The following DSCAM variants were observed in gnomAD, a reference collection of about 807,000 sequenced individuals.
DSCAM encodes the protein DS cell adhesion molecule, also known as cell adhesion molecule DSCAM.
A neutral mutation model predicts 217.7 loss-of-function variants in DSCAM; 47 were observed. The ratio of observed to expected loss-of-function variants is 0.22; its 90% CI spans 0.17 to 0.28. The LOEUF (loss-of-function observed/expected upper bound fraction) is 0.28, where lower values mean the gene tolerates loss of function less well. DSCAM is among the 10% of genes least tolerant of loss of function. The probability of loss-of-function intolerance (pLI) is 1.00; values close to 1 mark genes in which losing one functional copy is unlikely to be tolerated. For synonymous variants in DSCAM, 1,056 were observed against 1,015.3 expected (o/e 1.04, Z -0.76); for missense variants, 2,080 against 2,618.3 (o/e 0.79, Z 4.49).
chr21:40,378,247 A>C (rs927895893), intron 3 of DSCAM, among the ~76,000 whole-genome samples: 38 of 152,366 alleles, frequency 2.5e-4, no homozygotes, highest in African/African-American at 8.9e-4. Context: ...TAGAACTTGA[A>C]CAAATCAATG....
chr21:40,194,563 C>G (rs61092633), intron 11 of DSCAM, among the ~76,000 whole-genome samples: 19,220 of 152,160 alleles, frequency 0.13, 3,383 homozygotes, highest in African/African-American at 0.4. Context: ...TTGTGTGCTG[C>G]GTGCCTCTCT....
intron 27 of DSCAM, among the ~76,000 whole-genome samples, chr21:40,069,587 G>A (rs866939381): frequency 2.0e-5 from 3 of 152,170 alleles, no homozygotes; most frequent in Non-Finnish European, 2.9e-5. Flanking sequence ...TTCTAGTTAC[G>A]TAAAATGGAA....
At chr21:40,423,617 G>A (rs574331472) in intron 3 of DSCAM, among the ~76,000 whole-genome samples, 1 of 152,238 alleles carries the variant, frequency 6.6e-6, no homozygotes, top group African/African-American at 2.4e-5. Context: ...TTCTAAAGCT[G>A]TCTAAAATAA....
chr21:40,471,286 T>C (rs1248117286), intron 3 of DSCAM, among the ~76,000 whole-genome samples: 1 of 152,154 alleles, frequency 6.6e-6, no homozygotes, highest in Non-Finnish European at 1.5e-5. Flanking sequence ...AGAAACCACA[T>C]TAGGGAAGGA....
chr21:40,342,918 ACTTAG>A (rs1340145559), intron 6 of DSCAM, among the ~76,000 whole-genome samples: 2 of 151,044 alleles, frequency 1.3e-5, no homozygotes, highest in Admixed American at 6.6e-5. Flanking sequence ...AGAATTGTTA[ACTTAG>A]GAATATTTAG....
chr21:40,251,071 C>G lies in DSCAM; in HGVS notation c.2356+25026G>C, dbSNP rs114300589. On this transcript the variant is annotated intron_variant, in intron 11 of 32. Coordinates refer to ENST00000400454, the MANE Select transcript of DSCAM (RefSeq NM_001389.5). ...TGTGCTGCAGCATGCTGCCTGCCTT[C>G]TCTTCTGTCATCAATGAAATATGGT... Among the ~76,000 whole-genome samples, 183 of 152,330 alleles carry G rather than the reference C, an allele frequency of 1.2e-3. 1 individual carries two copies. The highest frequency in any genetic ancestry group is 4.2e-3 in the African/African-American group (175 of 41,572).
rs182760548 is a variant in DSCAM, at chr21:40,040,266, C to T, written c.5686+2105G>A. 2.0e-5 allele frequency among the ~76,000 whole-genome samples: 3 copies of T among 152,270 alleles called. No individual in the cohort carries two copies. The East Asian group carries it at 5.8e-4, about 29-fold the overall frequency. ...TTTTACTCTGAATAGTCTATGAAGA[C>T]AATAGTAACTTAGCTATGATCTTCC... On this transcript the variant is annotated intron_variant, in intron 32 of 32. Coordinates refer to ENST00000400454, the MANE Select transcript of DSCAM (RefSeq NM_001389.5).
intron 9 of DSCAM, among the ~76,000 whole-genome samples, chr21:40,300,402 C>A (rs2074001938): frequency 6.6e-6 from 1 of 152,226 alleles, no homozygotes; most frequent in Non-Finnish European, 1.5e-5. Flanking sequence ...ATCTCCACTG[C>A]CACACCCCAG....
rs1491362590 is a variant in DSCAM at position 40,342,626 on chromosome 21, G to GTGTA, written c.1211-3212_1211-3211insTACA. Among the ~76,000 whole-genome samples the GTGTA allele has an allele frequency of 5.7e-3, 539 of 94,684 alleles. 3 individuals are homozygous for GTGTA. Among genetic ancestry groups the GTGTA allele is most frequent in the Middle Eastern group, 0.015 (2 of 130 alleles). 62.1% of individuals were successfully genotyped at this position (94,684 alleles called of 152,430 possible). A position where few individuals can be genotyped will look rare whatever the true frequency, so the allele number is the denominator to read the frequency against. Reference sequence around the variant, plus strand: ...TATGTGTATATGTGTGTGTGTGTGTGTATATATATATATATATATATATTT... The same window carrying GTGTA: ...TATGTGTATATGTGTGTGTGTGTGTGTGTATATATATATATATATATATATATTT... On this transcript the variant is annotated intron_variant, in intron 6 of 32. Coordinates refer to ENST00000400454, the MANE Select transcript of DSCAM (RefSeq NM_001389.5).
chr21:40,358,871 G>A (rs1296309983), intron 4 of DSCAM, among the ~76,000 whole-genome samples: 1 of 148,458 alleles, frequency 6.7e-6, no homozygotes, highest in Non-Finnish European at 1.5e-5. Flanking sequence ...AAAAAAAATT[G>A]AAAATCATAT....
rs147944535 is a variant in DSCAM at position 40,339,109 on chromosome 21, T to C, written c.1507+10A>G. The C allele has an allele frequency of 3.9e-4, 633 of 1,613,356 alleles. No homozygotes were observed. Among genetic ancestry groups the C allele is most frequent in the Non-Finnish European group, 5.2e-4 (619 of 1,179,468 alleles). The stretch of plus-strand genomic sequence containing the variant: ...TGTGTGTTTTTTTGAGGAGCTGATT[T>C]GACAAGCACCTCTTACGTTTATTCG... On this transcript the variant is annotated intron_variant, in intron 7 of 32. Coordinates refer to ENST00000400454, the MANE Select transcript of DSCAM (RefSeq NM_001389.5).
chr21:40,480,904 C>A (rs750818285), intron 3 of DSCAM, among the ~76,000 whole-genome samples: 2 of 152,148 alleles, frequency 1.3e-5, no homozygotes, highest in Non-Finnish European at 2.9e-5. Context: ...AGTCAACCTA[C>A]CAAAATTACT....
At chr21:40,461,854 T>C (rs1281501738) in intron 3 of DSCAM, among the ~76,000 whole-genome samples, 1 of 152,096 alleles carries the variant, frequency 6.6e-6, no homozygotes, top group Non-Finnish European at 1.5e-5. Flanking sequence ...CTGCAAGTTG[T>C]CTCAAAAAGC....
intron 3 of DSCAM, among the ~76,000 whole-genome samples, chr21:40,454,695 CAAG>C (rs1251155498): frequency 1.3e-5 from 2 of 152,196 alleles, no homozygotes; most frequent in African/African-American, 4.8e-5. Flanking sequence ...GAAGTCGCCA[CAAG>C]AAGGTCTCTG....
intron 11 of DSCAM, among the ~76,000 whole-genome samples, chr21:40,219,847 C>T (rs1219640663): frequency 1.3e-5 from 2 of 152,066 alleles, no homozygotes; most frequent in African/African-American, 2.4e-5. Context: ...AATACAAATG[C>T]CAACAGGTAG....
At chr21:40,171,501 A>C (rs572485699) in intron 15 of DSCAM, among the ~76,000 whole-genome samples, 1 of 152,072 alleles carries the variant, frequency 6.6e-6, no homozygotes, top group Non-Finnish European at 1.5e-5. Context: ...CAATGCTGCC[A>C]TGATTTGTCA....
At chr21:40,167,711 G>A (rs1009671088) in intron 15 of DSCAM, among the ~76,000 whole-genome samples, 50 of 152,088 alleles carry the variant, frequency 3.3e-4, no homozygotes, top group African/African-American at 1.1e-3. Flanking sequence ...GAATGACTTC[G>A]GGCAAAAATA....
intron 9 of DSCAM, among the ~76,000 whole-genome samples, chr21:40,306,979 C>T (rs890456420): frequency 3.3e-4 from 51 of 152,258 alleles, no homozygotes; most frequent in Middle Eastern, 3.4e-3. Context: ...GGAGGATTCC[C>T]TCTTTTTCTA....
chr21:40,132,857 C>T (rs544014551), intron 19 of DSCAM, among the ~76,000 whole-genome samples: 1 of 152,254 alleles, frequency 6.6e-6, no homozygotes, highest in South Asian at 2.1e-4. Flanking sequence ...ATTTTTGATA[C>T]TCTAGTAGTG....
Sources: gnomAD v4.1 joint callset for allele counts (sites outside exome capture counted in the v4.1 genomes callset) on GRCh38, gnomAD v4.1.1 for gene constraint, MANE v1.5 for transcripts, NCBI Gene and HGNC (gene_info 2026-07-23, HGNC 2026-07-21) for gene names.